HELLS: variants seen among roughly 807,000 people sequenced by gnomAD.
HELLS encodes the protein helicase, lymphoid specific.
HELLS carries 32 observed loss-of-function variants against 120.0 expected under a neutral mutation model. The observed-to-expected ratio is 0.27, with a 90% confidence interval of 0.20 to 0.36. The LOEUF (loss-of-function observed/expected upper bound fraction) is 0.36. Among genes scored for constraint, HELLS ranks in the 10% least tolerant of loss-of-function variants. The probability of loss-of-function intolerance (pLI) is 1.00; values close to 1 mark genes in which losing one functional copy is unlikely to be tolerated. For synonymous variants in HELLS, 341 were observed against 323.4 expected, an observed-to-expected ratio of 1.05 and a Z score of -0.58; for missense variants, 650 against 993.4, an observed-to-expected ratio of 0.65 and a Z score of 4.65.
chr10:94,545,855 A>G lies in HELLS; in HGVS notation c.-67A>G. ...GAAGGCTGGGCCGGCAGCGGTTGTG[A>G]GGAGTTAGCTCGCGGCATTGCAGGC... On this transcript the variant is annotated 5_prime_UTR_variant, in exon 1 of 22. Coordinates refer to ENST00000348459, the MANE Select transcript of HELLS (RefSeq NM_018063.5). 1 of 1,511,130 alleles carries G rather than the reference A, an allele frequency of 6.6e-7. No individual in the cohort carries two copies. The highest frequency in any genetic ancestry group is 1.2e-5 in the South Asian group (1 of 83,296). 93.6% of individuals were successfully genotyped at this position (1,511,130 alleles called of 1,614,324 possible). A position where few individuals can be genotyped will look rare whatever the true frequency, so the allele number is the denominator to read the frequency against.
At chr10:94,598,890 A>T (rs531254240) in intron 21 of HELLS, among the ~76,000 whole-genome samples, 1 of 152,020 alleles carries the variant, frequency 6.6e-6, no homozygotes, top group East Asian at 1.9e-4. Context: ...ATCTTTTTGC[A>T]TGTCAATATT....
Position 94,601,722 on chromosome 10 carries a change from A to G in HELLS, c.*100A>G, listed in dbSNP as rs970292304. The G allele has an allele frequency of 3.2e-6, 2 of 616,410 alleles. No individual in the cohort carries two copies. Among genetic ancestry groups the G allele is most frequent in the Non-Finnish European group, 2.9e-6 (1 of 349,678 alleles). The allele number at this position is 616,410 out of a possible 1,614,324, so 38.2% of individuals were successfully genotyped here. On this transcript the variant is annotated 3_prime_UTR_variant, in exon 22 of 22. Transcript: ENST00000348459. ...GATTGTCCACTTCACCTTTTTTATT[A>G]TATCAGTTGACATGTAACTAGTACC... is the stretch of plus-strand genomic sequence containing the variant.
chr10:94,546,527 G>A lies in HELLS; in HGVS notation c.153+29G>A. 3 of 1,613,316 alleles carry A rather than the reference G, an allele frequency of 1.9e-6. No homozygotes were observed. In the African/African-American group the frequency reaches 4.0e-5, roughly 22 times the overall value. On this transcript the variant is annotated intron_variant, in intron 2 of 21. Transcript: ENST00000348459. Reference sequence around the variant, plus strand: ...ATTTAGGCATCAGGTTCGTCGTCGTGAAAGCCTGTGGTAACCTCGGCTTTA... The same window carrying A: ...ATTTAGGCATCAGGTTCGTCGTCGTAAAAGCCTGTGGTAACCTCGGCTTTA...
intron 12 of HELLS, among the ~76,000 whole-genome samples, chr10:94,583,461 T>G (rs1844973156): frequency 6.6e-6 from 1 of 152,168 alleles, no homozygotes; most frequent in Non-Finnish European, 1.5e-5. Flanking sequence ...AGAGAAACAT[T>G]ATCTTTCAAG....
chr10:94,611,206 T>C (rs1846190178), exon 10 of HELLS: 3 of 152,330 alleles, frequency 2.0e-5, no homozygotes, highest in South Asian at 4.1e-4. Context: ...GTAGCAGTTA[T>C]AAACTGTTCT....
At chr10:94,559,828 C>T (rs1003982419) in intron 4 of HELLS, among the ~76,000 whole-genome samples, 1 of 152,080 alleles carries the variant, frequency 6.6e-6, no homozygotes, top group African/African-American at 2.4e-5. Context: ...GGTTGTGTAT[C>T]GTTTGGTTGA....
At chr10:94,585,766 T>G (rs1845112335) in intron 12 of HELLS, among the ~76,000 whole-genome samples, 1 of 151,634 alleles carries the variant, frequency 6.6e-6, no homozygotes, top group South Asian at 2.1e-4. Context: ...CGTTGGTTAT[T>G]GGGTTGTTAT....
chr10:94,562,640 A>G (rs1269882294), intron 4 of HELLS, 51 bp from the exon 5 acceptor site: 3 of 1,278,702 alleles, frequency 2.3e-6, no homozygotes, highest in Non-Finnish European at 3.3e-6. Context: ...TTAACGTATA[A>G]TACTATGAAG....
intron 8 of HELLS, 80 bp downstream of exon 8, chr10:94,574,267 G>A: frequency 1.1e-6 from 1 of 912,306 alleles, no homozygotes; most frequent in Non-Finnish European, 1.7e-6. Flanking sequence ...CACAACTTGA[G>A]TCATTTCTAT....
intron 21 of HELLS, among the ~76,000 whole-genome samples, chr10:94,601,162 C>T (rs964879454): frequency 2.6e-5 from 4 of 152,102 alleles, no homozygotes; most frequent in East Asian, 1.9e-4. Flanking sequence ...AGCTATTAAA[C>T]GAATCGTGAT....
chr10:94,558,133 T>C lies in HELLS; in HGVS notation c.277-6T>C. ...ACTTGTGACATAAGAAAAAATTGTCTTACAGGAACAGAAGAAGAAAGAAAA... is the reference window on the plus strand; with the variant it reads ...ACTTGTGACATAAGAAAAAATTGTCCTACAGGAACAGAAGAAGAAAGAAAA... On this transcript the variant is annotated splice_region_variant and splice_polypyrimidine_tract_variant and intron_variant, in intron 3 of 21. Transcript: ENST00000348459. The C allele has an allele frequency of 6.4e-7, 1 of 1,561,474 alleles. No individual in the cohort carries two copies. The highest frequency in any genetic ancestry group is 1.4e-5 in the African/African-American group (1 of 71,708).
At chr10:94,576,913 C>G (rs975692498) in intron 10 of HELLS, 108 bp downstream of exon 10, 1 of 959,502 alleles carries the variant, frequency 1.0e-6, no homozygotes, top group Non-Finnish European at 1.5e-6. Context: ...TTTTTGTTGT[C>G]GAAATAATAG....
intron 9 of HELLS, 47 bp from the exon 10 acceptor site, chr10:94,576,615 T>A (rs1349690332): frequency 9.3e-7 from 1 of 1,077,526 alleles, no homozygotes; most frequent in African/African-American, 1.6e-5. Flanking sequence ...AGTCAATATT[T>A]ACATTTTGTT....
At chr10:94,562,600 CAT>C (rs948852469) in intron 4 of HELLS, 89 bp from the exon 5 acceptor site, 45 of 855,376 alleles carry the variant, frequency 5.3e-5, no homozygotes, top group African/African-American at 1.4e-4. Context: ...TTGCAGGAAA[CAT>C]ATTTTTTCTC....
At chr10:94,576,847 A>G (rs758797988) in intron 10 of HELLS, 42 bp downstream of exon 10, 22 of 1,517,034 alleles carry the variant, frequency 1.5e-5, no homozygotes, top group Non-Finnish European at 1.8e-5. Context: ...TACATAAAAC[A>G]TGCTTTTCTT....
intron 10 of HELLS, among the ~76,000 whole-genome samples, chr10:94,579,204 T>TTC (rs1844685444): frequency 9.5e-6 from 1 of 105,782 alleles, no homozygotes; most frequent in Admixed American, 9.8e-5. Context: ...CTTTTTTCTT[T>TTC]TTTTTTTTTT....
chr10:94,591,301 G>C (rs1272449060), intron 15 of HELLS, among the ~76,000 whole-genome samples: 1 of 152,070 alleles, frequency 6.6e-6, no homozygotes, highest in Non-Finnish European at 1.5e-5. Context: ...AATCAGCCTG[G>C]TTGCTCATTG....
intron 12 of HELLS, 28 bp from the exon 13 acceptor site, chr10:94,588,200 AT>A: frequency 7.2e-7 from 1 of 1,396,862 alleles, no homozygotes; most frequent in Non-Finnish European, 1.0e-6. Flanking sequence ...TTTAATACTC[AT>A]ATTTTTCTGT....
At chr10:94,606,359 G>C (rs564706691), downstream of HELLS, among the ~76,000 whole-genome samples, 2 of 150,844 alleles carry the variant, frequency 1.3e-5, no homozygotes, top group Admixed American at 1.3e-4. Flanking sequence ...TTTTTTGTTT[G>C]AATGAGACAT....
Sources: gnomAD v4.1 joint callset for allele counts (sites outside exome capture counted in the v4.1 genomes callset) on GRCh38, gnomAD v4.1.1 for gene constraint, MANE v1.5 for transcripts, NCBI Gene and HGNC (gene_info 2026-07-23, HGNC 2026-07-21) for gene names.